GPR137C: variants seen among roughly 807,000 people sequenced by gnomAD.
GPR137C encodes G protein-coupled receptor 137C.
GPR137C carries 27 observed loss-of-function variants against 43.4 expected under a neutral mutation model. The observed-to-expected ratio is 0.62, with a 90% confidence interval of 0.46 to 0.86. GPR137C has a LOEUF of 0.86. Ranked by LOEUF, GPR137C falls within the 40% of genes least tolerant of loss-of-function variation. The probability of loss-of-function intolerance (pLI) is 0.00; values close to 1 mark genes in which losing one functional copy is unlikely to be tolerated. For missense variants in GPR137C, 522 were observed against 534.6 expected (o/e 0.98, Z 0.23); for synonymous variants, 285 against 226.9 (o/e 1.26, Z -2.30).
intron 3 of GPR137C, among the ~76,000 whole-genome samples, chr14:52,604,114 C>CT (rs1349834929): frequency 6.6e-6 from 1 of 151,960 alleles, no homozygotes; most frequent in Non-Finnish European, 1.5e-5. Flanking sequence ...GATTATCTAT[C>CT]TTTTTGCTAT....
rs746594100 is a variant in GPR137C at position 52,553,320 on chromosome 14, C to T, written c.173C>T (p.Ala58Val). ...AGCGTCCTGCACGCCCTGCTCTACG[C>T]CGCGCTGTTCGCCTTTGCCTACCTG... ...ALSVLHALLY[A>V]ALFAFAYLQL... Residue 58 changes from alanine (A) to valine (V), a missense_variant, in exon 1 of 7, where the codon GCC becomes GTC. Ala to Val is a moderately conservative substitution (Grantham distance 64). This residue lies in a region of GPR137C where 437 missense variants were observed against 425.7 expected (regional missense o/e 1.03). Coordinates refer to ENST00000321662, the MANE Select transcript of GPR137C (RefSeq NM_001099652.2). 1.3e-5 allele frequency: 21 copies of T among 1,587,144 alleles called. No homozygotes were observed. The African/African-American group carries it at 2.4e-4, about 18-fold the overall frequency.
chr14:52,568,528 G>A (rs2038409810), intron 1 of GPR137C, among the ~76,000 whole-genome samples: 1 of 152,160 alleles, frequency 6.6e-6, no homozygotes, highest in African/African-American at 2.4e-5. Flanking sequence ...CACTCCCATG[G>A]AGCCCAGCAA....
chr14:52,615,397 A>G (rs1379036796), intron 3 of GPR137C, among the ~76,000 whole-genome samples: 1 of 149,220 alleles, frequency 6.7e-6, no homozygotes, highest in Non-Finnish European at 1.5e-5. Flanking sequence ...TGATTGCTCG[A>G]GTTTTGTTCT....
At chr14:52,628,990 T>A (rs1456369193) in intron 3 of GPR137C, among the ~76,000 whole-genome samples, 1 of 152,166 alleles carries the variant, frequency 6.6e-6, no homozygotes, top group Non-Finnish European at 1.5e-5. Flanking sequence ...TTGAATAGAT[T>A]CTTCACAAAG....
rs533153342 is a variant in GPR137C, at chr14:52,633,952, T to A, written c.1112+6T>A. On this transcript the variant is annotated splice_donor_region_variant and intron_variant, in intron 6 of 6. Coordinates refer to ENST00000321662, the MANE Select transcript of GPR137C (RefSeq NM_001099652.2). ...GGAAGTTCAAGAGAAGGAAGGTAGA[T>A]GTAACAAAGCCACTTAGCCTGAATT... 1 of 1,492,052 alleles carries A rather than the reference T, an allele frequency of 6.7e-7. No homozygotes were observed. Among genetic ancestry groups the A allele is most frequent in the African/African-American group, 1.4e-5 (1 of 72,590 alleles). 92.4% of individuals were successfully genotyped at this position (1,492,052 alleles called of 1,614,324 possible). A position where few individuals can be genotyped will look rare whatever the true frequency, so the allele number is the denominator to read the frequency against.
At chr14:52,623,518 AT>A (rs1451333698) in intron 3 of GPR137C, among the ~76,000 whole-genome samples, 2 of 152,164 alleles carry the variant, frequency 1.3e-5, no homozygotes, top group Non-Finnish European at 2.9e-5. Context: ...TACATCTAAA[AT>A]TTGAATTCCT....
intron 1 of GPR137C, among the ~76,000 whole-genome samples, chr14:52,577,183 C>CAAAAAAAAAAAAAAAAAA (rs34249999): frequency 2.4e-5 from 1 of 41,148 alleles, no homozygotes; most frequent in African/African-American, 1.0e-4. Context: ...TAAGACTCCT[C>CAAAAAAAAAAAAAAAAAA]AAAAAAAAAA....
intron 1 of GPR137C, among the ~76,000 whole-genome samples, chr14:52,592,677 A>G (rs1423187376): frequency 6.6e-6 from 1 of 152,146 alleles, no homozygotes; most frequent in Non-Finnish European, 1.5e-5. Flanking sequence ...TTGCACATTG[A>G]TTTTGTATCC....
chr14:52,573,931 A>G (rs914313840), intron 1 of GPR137C, among the ~76,000 whole-genome samples: 3 of 152,226 alleles, frequency 2.0e-5, no homozygotes, highest in Admixed American at 6.5e-5. Flanking sequence ...ACACTTCTCA[A>G]AAGAAGACAT....
At chr14:52,622,481 G>A (rs1181013770) in intron 3 of GPR137C, among the ~76,000 whole-genome samples, 2 of 151,928 alleles carry the variant, frequency 1.3e-5, no homozygotes, top group Non-Finnish European at 2.9e-5. Context: ...GTACAAGTAT[G>A]TACAAGTTTC....
intron 1 of GPR137C, among the ~76,000 whole-genome samples, chr14:52,556,648 T>G (rs1480429234): frequency 6.6e-6 from 1 of 152,154 alleles, no homozygotes; most frequent in Non-Finnish European, 1.5e-5. Context: ...CGGAGAAGAC[T>G]TCAATATTTG....
intron 1 of GPR137C, among the ~76,000 whole-genome samples, chr14:52,574,285 A>C (rs1441954807): frequency 2.0e-5 from 3 of 152,220 alleles, no homozygotes; most frequent in Non-Finnish European, 4.4e-5. Flanking sequence ...TTATTGTGGC[A>C]CTGTTCACAT....
In GPR137C at chr14:52,553,467, G is replaced by T. The variant is rs1485269575; in HGVS notation, c.320G>T (p.Ser107Ile). Residue 107 changes from serine (S) to isoleucine (I), a missense_variant, in exon 1 of 7, where the codon AGC (serine) becomes ATC (isoleucine). Coordinates refer to ENST00000321662, the MANE Select transcript of GPR137C (RefSeq NM_001099652.2). Reference sequence around the variant, plus strand: ...CTCTTCTCCGCCGCCTTCTCGCTCAGCGGCTCCCTGCCCTTGCTCCGGCCG... The same window carrying T: ...CTCTTCTCCGCCGCCTTCTCGCTCATCGGCTCCCTGCCCTTGCTCCGGCCG... The part of the protein sequence containing the change: ...TTLFSAAFSL[S>I]GSLPLLRPPA... The T allele has an allele frequency of 1.2e-6, 2 of 1,608,720 alleles. No homozygotes were observed. Among genetic ancestry groups the T allele is most frequent in the Non-Finnish European group, 8.5e-7 (1 of 1,179,792 alleles).
At chr14:52,612,102 T>C (rs920304663) in intron 3 of GPR137C, 33 of 984,292 alleles carry the variant, frequency 3.4e-5, no homozygotes, top group South Asian at 4.7e-5. Context: ...TTTATAGTTT[T>C]ATGGGCAGTT....
At chr14:52,562,783 A>G (rs1212043650) in intron 1 of GPR137C, among the ~76,000 whole-genome samples, 1 of 152,240 alleles carries the variant, frequency 6.6e-6, no homozygotes, top group African/African-American at 2.4e-5. Flanking sequence ...ACAACCTGGA[A>G]TATTTACATT....
At chr14:52,581,195 CAAA>C (rs71125115) in intron 1 of GPR137C, among the ~76,000 whole-genome samples, 1 of 83,538 alleles carries the variant, frequency 1.2e-5, no homozygotes. Context: ...GACTTCTTCT[CAAA>C]AAAAAAAAAA....
chr14:52,579,514 A>G lies in GPR137C; in HGVS notation c.445-18758A>G, dbSNP rs543985580. 4.6e-5 allele frequency among the ~76,000 whole-genome samples: 7 copies of G among 152,210 alleles called. No homozygotes were observed. In the East Asian group the frequency reaches 1.4e-3, roughly 29 times the overall value. On this transcript the variant is annotated intron_variant, in intron 1 of 6. Transcript: ENST00000321662. ...CACGTTGTTCTCAACCCTTCTCACTACTAGCTTGGGATTCATCTTTCTTGG... is the reference window on the plus strand; with the variant it reads ...CACGTTGTTCTCAACCCTTCTCACTGCTAGCTTGGGATTCATCTTTCTTGG...
At chr14:52,554,560 C>T (rs1470657098) in intron 1 of GPR137C, among the ~76,000 whole-genome samples, 1 of 152,096 alleles carries the variant, frequency 6.6e-6, no homozygotes, top group East Asian at 1.9e-4. Flanking sequence ...AAAAAGTCCT[C>T]CTTCCCACCA....
chr14:52,553,098 A>T lies in GPR137C; in HGVS notation c.-50A>T. ...CTTCTCCCCTTCGACGGCGGCTCCG[A>T]GTCCAGCCCCTTCCTTCCCGCGCTC... On this transcript the variant is annotated 5_prime_UTR_variant, in exon 1 of 7. Transcript: ENST00000321662. 9.6e-7 allele frequency: 1 copy of T among 1,042,684 alleles called. No homozygotes were observed. The highest frequency in any genetic ancestry group is 1.2e-6 in the Non-Finnish European group (1 of 841,460). 64.6% of individuals were successfully genotyped at this position (1,042,684 alleles called of 1,614,324 possible).
Sources: gnomAD v4.1 joint callset for allele counts (sites outside exome capture counted in the v4.1 genomes callset) on GRCh38, gnomAD v4.1.1 for gene constraint, gnomAD v4.1.1 regional missense constraint, MANE v1.5 for transcripts, NCBI Gene and HGNC (gene_info 2026-07-23, HGNC 2026-07-21) for gene names.